KIF1B: variants seen among roughly 807,000 people sequenced by gnomAD.
The protein encoded by KIF1B is kinesin family member 1B.
A neutral mutation model predicts 241.9 loss-of-function variants in KIF1B; 76 were observed. That is an observed-to-expected ratio of 0.31 (90% CI 0.26 to 0.38). The LOEUF (loss-of-function observed/expected upper bound fraction) is 0.38. KIF1B is among the 10% of genes least tolerant of loss of function. The pLI is 1.00. For synonymous variants in KIF1B, 750 were observed against 796.7 expected (o/e 0.94, Z 0.99); for missense variants, 1,622 against 2,271.4 (o/e 0.71, Z 5.81).
chr1:10,360,545 C>T (rs1318925254), intron 38 of KIF1B, among the ~76,000 whole-genome samples: 1 of 151,868 alleles, frequency 6.6e-6, no homozygotes, highest in Non-Finnish European at 1.5e-5. Flanking sequence ...ATTAGCCAGG[C>T]GTGGTGGCGG....
chr1:10,329,718 G>A (rs1557717725), intron 27 of KIF1B, among the ~76,000 whole-genome samples: 1 of 150,300 alleles, frequency 6.7e-6, no homozygotes, highest in African/African-American at 2.4e-5. Context: ...GGGCAACAGA[G>A]CAAAGACTCT....
intron 2 of KIF1B, among the ~76,000 whole-genome samples, chr1:10,247,250 C>G (rs993605701): frequency 1.3e-5 from 2 of 152,214 alleles, no homozygotes; most frequent in Admixed American, 1.3e-4. Flanking sequence ...TATCTGATTT[C>G]ACATTTGATC....
intron 22 of KIF1B, chr1:10,306,189 A>G (rs933894715): frequency 9.6e-7 from 1 of 1,039,366 alleles, no homozygotes; most frequent in Non-Finnish European, 1.2e-6. Context: ...GCTTTGAGAG[A>G]TATTTTTGCT....
At chr1:10,252,524 A>C (rs1647518273) in intron 2 of KIF1B, among the ~76,000 whole-genome samples, 1 of 150,102 alleles carries the variant, frequency 6.7e-6, no homozygotes, top group Admixed American at 6.7e-5. Flanking sequence ...TGATCTTCCT[A>C]CCTAAGCCCC....
intron 1 of KIF1B, chr1:10,230,772 T>C (rs1162685139): frequency 6.6e-6 from 1 of 152,188 alleles, no homozygotes; most frequent in Non-Finnish European, 1.5e-5. Context: ...TTGGATTCTT[T>C]TCACACAGTA....
intron 22 of KIF1B, among the ~76,000 whole-genome samples, chr1:10,301,134 G>C (rs1244556412): frequency 6.6e-6 from 1 of 151,990 alleles, no homozygotes; most frequent in Non-Finnish European, 1.5e-5. Context: ...ACCAGTTTGG[G>C]TCCCTGTCTC....
chr1:10,239,920 C>T (rs1470629929), intron 2 of KIF1B, among the ~76,000 whole-genome samples: 3 of 152,254 alleles, frequency 2.0e-5, no homozygotes, highest in African/African-American at 7.2e-5. Flanking sequence ...CACCCGCCAC[C>T]ATGCCTGGCT....
intron 1 of KIF1B, among the ~76,000 whole-genome samples, chr1:10,215,143 T>G (rs2102084980): frequency 2.7e-5 from 1 of 36,992 alleles, no homozygotes; most frequent in East Asian, 5.3e-4. Flanking sequence ...ATATTTTATA[T>G]ATATATATAT....
chr1:10,283,507 T>G (rs1649537060), intron 15 of KIF1B, among the ~76,000 whole-genome samples: 1 of 152,238 alleles, frequency 6.6e-6, no homozygotes, highest in Admixed American at 6.5e-5. Flanking sequence ...ATATGAAAGT[T>G]AAGAGCAGCA....
chr1:10,338,805 G>A (rs977260262), intron 31 of KIF1B, among the ~76,000 whole-genome samples: 6 of 152,342 alleles, frequency 3.9e-5, no homozygotes, highest in African/African-American at 7.2e-5. Flanking sequence ...TTCACCTGTC[G>A]TCAGGGAACC....
At chr1:10,212,657 G>A (rs986372958) in intron 1 of KIF1B, among the ~76,000 whole-genome samples, 1 of 151,952 alleles carries the variant, frequency 6.6e-6, no homozygotes, top group Non-Finnish European at 1.5e-5. Flanking sequence ...GCTGAGACAG[G>A]AGGATCCCTT....
chr1:10,297,386 A>G, intron 22 of KIF1B, 140 bp downstream of exon 22: 1 of 821,118 alleles, frequency 1.2e-6, no homozygotes, highest in Non-Finnish European at 2.1e-6. Context: ...CTTAATGGAG[A>G]ATGAACTTAA....
chr1:10,236,708 C>T (rs1647056398), intron 2 of KIF1B, among the ~76,000 whole-genome samples: 1 of 152,086 alleles, frequency 6.6e-6, no homozygotes, highest in African/African-American at 2.4e-5. Flanking sequence ...TTTTCTGTTT[C>T]TGTTTTCAGC....
At chr1:10,271,976 G>A (rs572822385) in intron 8 of KIF1B, among the ~76,000 whole-genome samples, 7 of 152,322 alleles carry the variant, frequency 4.6e-5, no homozygotes, top group East Asian at 1.9e-4. Flanking sequence ...ATTTCATGTC[G>A]ATAAGTTGAG....
At chr1:10,216,220 C>T (rs1646765446) in intron 1 of KIF1B, among the ~76,000 whole-genome samples, 2 of 152,164 alleles carry the variant, frequency 1.3e-5, no homozygotes, top group Admixed American at 1.3e-4. Context: ...CTCAAGCAAA[C>T]ATTGGCTTCA....
chr1:10,345,522 G>A (rs533823666), intron 34 of KIF1B: 26 of 349,654 alleles, frequency 7.4e-5, no homozygotes, highest in Non-Finnish European at 1.4e-4. Context: ...CATGCTTTAC[G>A]TGTCACACAA....
At chr1:10,320,617 A>G (rs999187460) in intron 23 of KIF1B, among the ~76,000 whole-genome samples, 2 of 152,244 alleles carry the variant, frequency 1.3e-5, no homozygotes, top group African/African-American at 4.8e-5. Context: ...ATAATGCAGT[A>G]TGAACACTTA....
intron 41 of KIF1B, 100 bp downstream of exon 41, chr1:10,363,444 C>A: frequency 2.9e-6 from 3 of 1,051,632 alleles, no homozygotes; most frequent in Admixed American, 1.7e-5. Context: ...GTAATCCCAG[C>A]GCTTTGGGAG....
At chr1:10,261,692 C>A (rs1648155299) in intron 4 of KIF1B, among the ~76,000 whole-genome samples, 1 of 152,202 alleles carries the variant, frequency 6.6e-6, no homozygotes, top group Non-Finnish European at 1.5e-5. Flanking sequence ...ATGGGGATCA[C>A]TATCATATAT....
Sources: allele counts gnomAD v4.1 joint callset (sites outside exome capture counted in the v4.1 genomes callset), GRCh38; gene constraint gnomAD v4.1.1; transcripts MANE v1.5; gene names NCBI Gene and HGNC (gene_info 2026-07-23, HGNC 2026-07-21).